The following B9D1 variants were observed in gnomAD, a reference collection of about 807,000 sequenced individuals.
B9D1 encodes the protein B9 domain-containing protein 1.
A neutral mutation model predicts 26.1 loss-of-function variants in B9D1; 20 were observed. The observed-to-expected ratio is 0.77, with a 90% CI of 0.54 to 1.12. The LOEUF (loss-of-function observed/expected upper bound fraction) is 1.12. B9D1 is among the 50% of genes most tolerant of loss of function. The pLI, the probability that B9D1 is intolerant of heterozygous loss-of-function variation, is 0.00. For synonymous variants in B9D1, 105 were observed against 103.1 expected, an observed-to-expected ratio of 1.02 and a Z score of -0.11; for missense variants, 260 against 273.7, an observed-to-expected ratio of 0.95 and a Z score of 0.35.
At chr17:19,349,680 C>G (rs1336159320) in intron 3 of B9D1, among the ~76,000 whole-genome samples, 1 of 152,168 alleles carries the variant, frequency 6.6e-6, no homozygotes, top group African/African-American at 2.4e-5. Flanking sequence ...CCTTGCCTGG[C>G]CTGGCCTTTT....
downstream of B9D1, among the ~76,000 whole-genome samples, chr17:19,340,485 T>C (rs537646426): frequency 8.2e-4 from 123 of 149,300 alleles, no homozygotes; most frequent in African/African-American, 2.9e-3. Flanking sequence ...TTGTGCATTC[T>C]TAAAGTATTC....
At chr17:19,337,635 C>G, downstream of B9D1, 1 of 1,323,110 alleles carries the variant, frequency 7.6e-7, no homozygotes, top group Non-Finnish European at 1.0e-6. Flanking sequence ...AGTAACACAT[C>G]TCCAGGTCTC....
At chr17:19,348,635 C>T (rs1264614284) in intron 3 of B9D1, among the ~76,000 whole-genome samples, 1 of 152,206 alleles carries the variant, frequency 6.6e-6, no homozygotes, top group East Asian at 1.9e-4. Context: ...TACCTTCCAC[C>T]AAAGGTAACC....
intron 5 of B9D1, 140 bp from the exon 6 acceptor site, chr17:19,343,997 C>CTCTGCTTAGGG: frequency 7.4e-7 from 1 of 1,345,840 alleles, no homozygotes; most frequent in Non-Finnish European, 1.0e-6. Flanking sequence ...AGGAGTCAGG[C>CTCTGCTTAGGG]CCTAAGCAGA....
chr17:19,364,963 G>A (rs1389106063), upstream of B9D1, among the ~76,000 whole-genome samples: 2 of 152,204 alleles, frequency 1.3e-5, no homozygotes, highest in African/African-American at 4.8e-5. The surrounding 1 kb of genome is among the most constrained non-coding windows in gnomAD (Gnocchi z 4.3). Context: ...CGGGCAGCTG[G>A]CCAGAGCCCC....
intron 5 of B9D1, among the ~76,000 whole-genome samples, chr17:19,344,955 G>A (rs918847248): frequency 3.3e-5 from 5 of 152,246 alleles, no homozygotes; most frequent in African/African-American, 1.2e-4. Flanking sequence ...GGGAGAGCAA[G>A]ACTCTCACAG....
intron 1 of B9D1, among the ~76,000 whole-genome samples, chr17:19,369,271 G>A (rs1286241418): frequency 6.6e-6 from 1 of 152,136 alleles, no homozygotes; most frequent in Non-Finnish European, 1.5e-5. Context: ...AGCATAGTCG[G>A]TGCAAAGGCC....
chr17:19,340,949 A>G (rs1370614042), downstream of B9D1: 4 of 253,994 alleles, frequency 1.6e-5, no homozygotes, highest in Admixed American at 2.3e-4. Flanking sequence ...TTGAAATGCA[A>G]TAAAAATAGG....
intron 1 of B9D1, among the ~76,000 whole-genome samples, chr17:19,377,085 A>G (rs1342759737): frequency 6.6e-6 from 1 of 152,234 alleles, no homozygotes; most frequent in African/African-American, 2.4e-5. Flanking sequence ...TGACTTATGT[A>G]TTATGTCTTC....
rs1305798640 is a variant in B9D1 at position 19,347,621 on chromosome 17, TCTC to T, written c.341+160_341+162del. On this transcript the variant is annotated intron_variant, in intron 4 of 6. Transcript: ENST00000261499. The surrounding 1 kb of genome is among the most constrained non-coding windows in gnomAD (Gnocchi z 4.3). Reference sequence around the variant, plus strand: ...GGCTGGCACCACCCATCTGAAAGGTTCTCCTCCCAAATACAGGCTACAACCCCC... The same window carrying T: ...GGCTGGCACCACCCATCTGAAAGGTTCTCCCAAATACAGGCTACAACCCCC... Among the ~76,000 whole-genome samples the T allele has an allele frequency of 6.6e-6, 1 of 152,012 alleles. No individual in the cohort carries two copies. The highest frequency in any genetic ancestry group is 1.5e-5 in the Non-Finnish European group (1 of 68,006).
intron 3 of B9D1, among the ~76,000 whole-genome samples, chr17:19,351,473 G>C (rs1909599403): frequency 6.6e-6 from 1 of 152,108 alleles, no homozygotes; most frequent in Non-Finnish European, 1.5e-5. Context: ...TCCTCAGCAG[G>C]CTTTAGAATC....
At chr17:19,337,806 A>G, downstream of B9D1, 3 of 1,088,754 alleles carry the variant, frequency 2.8e-6, no homozygotes, top group Non-Finnish European at 3.7e-6. Context: ...CAGGCCTGGA[A>G]TTGCCTCACT....
rs1199607727 is a variant in B9D1 at position 19,347,902 on chromosome 17, G to A, written c.245-22C>T. 6.2e-7 allele frequency: 1 copy of A among 1,607,760 alleles called. No homozygotes were observed. The highest frequency in any genetic ancestry group is 8.5e-7 in the Non-Finnish European group (1 of 1,174,738). On this transcript the variant is annotated intron_variant, in intron 3 of 6. Transcript: ENST00000261499. The surrounding 1 kb of genome is among the most constrained non-coding windows in gnomAD (Gnocchi z 4.3). ...GGCCCTTGGGAAGGACAAGGCAGGG[G>A]GTGGGCACATGAGGACACACAGGGG...
intron 1 of B9D1, among the ~76,000 whole-genome samples, chr17:19,368,109 G>A (rs976886474): frequency 6.6e-6 from 1 of 152,168 alleles, no homozygotes; most frequent in Admixed American, 6.5e-5. Context: ...AACCGGTCTG[G>A]GTCTGAGGCA....
intron 1 of B9D1, among the ~76,000 whole-genome samples, chr17:19,376,624 CAAAAAAAA>C (rs56972267): frequency 1.2e-4 from 6 of 48,972 alleles, no homozygotes; most frequent in South Asian, 1.3e-3. Context: ...TACTAAAATA[CAAAAAAAA>C]AAAAAAAAAA....
downstream of B9D1, among the ~76,000 whole-genome samples, chr17:19,339,166 AC>A (rs547811042): frequency 2.3e-3 from 351 of 152,272 alleles, 1 homozygote; most frequent in African/African-American, 8.1e-3. Context: ...TTTGAATCTT[AC>A]CTTTTCTCAT....
rs1012693853 is a variant in B9D1, at chr17:19,372,336, A to G, written c.-298+5523T>C. On this transcript the variant is annotated intron_variant, in intron 1 of 5. Coordinates refer to the B9D1 transcript ENST00000477478. The surrounding 1 kb of genome is among the most constrained non-coding windows in gnomAD (Gnocchi z 4.4). The stretch of plus-strand genomic sequence containing the variant: ...AGGGCTGTCAGTCTTGGCTACCTGC[A>G]TGGCCTTGGGGCCCTGCATGGTCTC... 1 of 152,282 alleles carries G rather than the reference A, an allele frequency of 6.6e-6. No homozygotes were observed. The highest frequency in any genetic ancestry group is 1.9e-4 in the East Asian group (1 of 5,192). The allele number at this position is 152,282 out of a possible 1,614,324, so 9.4% of individuals were successfully genotyped here.
At chr17:19,337,934 T>G (rs948461058), downstream of B9D1, among the ~76,000 whole-genome samples, 4 of 152,148 alleles carry the variant, frequency 2.6e-5, no homozygotes, top group Admixed American at 2.6e-4. Context: ...GAAATGGGCT[T>G]GGTTAACATT....
chr17:19,346,131 T>C (rs539532957), intron 5 of B9D1, among the ~76,000 whole-genome samples: 1 of 152,348 alleles, frequency 6.6e-6, no homozygotes, highest in Non-Finnish European at 1.5e-5. Context: ...AACCCACTGA[T>C]GGGCACTGCC....
Sources: allele counts gnomAD v4.1 joint callset (sites outside exome capture counted in the v4.1 genomes callset), GRCh38; gene constraint gnomAD v4.1.1; non-coding constraint Gnocchi (gnomAD v3.1); transcripts MANE v1.5; gene names NCBI Gene and HGNC (gene_info 2026-07-23, HGNC 2026-07-21).